MACROD2: variants seen among roughly 807,000 people sequenced by gnomAD.
MACROD2 encodes the protein ADP-ribose glycohydrolase MACROD2.
In MACROD2, 36 loss-of-function variants were observed where a neutral mutation model predicts 70.4. The observed-to-expected ratio is 0.51, with a 90% confidence interval of 0.39 to 0.68. The LOEUF (loss-of-function observed/expected upper bound fraction) is 0.68, where lower values mean the gene tolerates loss of function less well. Ranked by LOEUF, MACROD2 falls within the 30% of genes least tolerant of loss-of-function variation. The pLI is 0.00. For synonymous variants in MACROD2, 172 were observed against 178.8 expected (o/e 0.96, Z 0.30); for missense variants, 496 against 538.4 (o/e 0.92, Z 0.78).
chr20:14,645,231 A>T (rs1381558596), intron 4 of MACROD2, among the ~76,000 whole-genome samples: 1 of 152,168 alleles, frequency 6.6e-6, no homozygotes, highest in East Asian at 1.9e-4. Context: ...TATTAAATTT[A>T]TTAAACATAT....
At chr20:14,872,190 T>C (rs1311148642) in intron 5 of MACROD2, among the ~76,000 whole-genome samples, 1 of 151,048 alleles carries the variant, frequency 6.6e-6, no homozygotes, top group African/African-American at 2.5e-5. Context: ...TACAGAACTC[T>C]CCACTCTGCC....
At chr20:14,522,308 A>G (rs1460097155) in intron 4 of MACROD2, among the ~76,000 whole-genome samples, 1 of 152,184 alleles carries the variant, frequency 6.6e-6, no homozygotes, top group African/African-American at 2.4e-5. Flanking sequence ...AGCACAACCC[A>G]ACAAAACACC....
At chr20:14,165,999 T>G (rs1041472100) in intron 3 of MACROD2, among the ~76,000 whole-genome samples, 5 of 152,218 alleles carry the variant, frequency 3.3e-5, no homozygotes, top group African/African-American at 1.2e-4. Flanking sequence ...TGCTCTTGCA[T>G]ATGTTTTAAT....
intron 5 of MACROD2, among the ~76,000 whole-genome samples, chr20:15,175,682 G>A (rs1163808122): frequency 3.9e-5 from 6 of 152,176 alleles, no homozygotes; most frequent in African/African-American, 1.4e-4. Flanking sequence ...CAAGCAAAGA[G>A]ACATTACAAT....
At chr20:14,216,521 GT>G (rs905786101) in intron 3 of MACROD2, among the ~76,000 whole-genome samples, 6 of 151,668 alleles carry the variant, frequency 4.0e-5, no homozygotes, top group Non-Finnish European at 7.4e-5. Flanking sequence ...TTTTAGAATT[GT>G]TTTTTTTAAT....
At chr20:15,627,410 C>T (rs2049220499) in intron 8 of MACROD2, among the ~76,000 whole-genome samples, 1 of 152,036 alleles carries the variant, frequency 6.6e-6, no homozygotes, top group Non-Finnish European at 1.5e-5. Flanking sequence ...GTTTAATTGA[C>T]GTGAGGCTGG....
intron 3 of MACROD2, among the ~76,000 whole-genome samples, chr20:14,378,643 T>C (rs1447000795): frequency 2.0e-5 from 3 of 152,226 alleles, no homozygotes; most frequent in Non-Finnish European, 4.4e-5. Flanking sequence ...TTGTATTTGT[T>C]AAGCACATAT....
At chr20:14,348,268 CA>C (rs545110146) in intron 3 of MACROD2, among the ~76,000 whole-genome samples, 184 of 73,970 alleles carry the variant, frequency 2.5e-3, no homozygotes, top group Non-Finnish European at 3.9e-3. Flanking sequence ...GACTCCGTCT[CA>C]AAAAAAAAAA....
At chr20:15,080,115 CAAATAAATAAATAAATAAAT>C (rs11467492) in intron 5 of MACROD2, among the ~76,000 whole-genome samples, 3 of 143,260 alleles carry the variant, frequency 2.1e-5, no homozygotes, top group Non-Finnish European at 3.1e-5. Context: ...ACAGAACAGC[CAAATAAATAAATAAATAAAT>C]AAATAAATAA....
At position 14,330,953 on chromosome 20, in the gene MACROD2, A is replaced by G. The variant is rs6033945; in HGVS notation, c.272-162526A>G. On this transcript the variant is annotated intron_variant, in intron 3 of 17. Transcript: ENST00000684519. ...ATTCAACATATAAAATAATGTGGTT[A>G]ATTTAAGTTTAGAAAACAATTGCTT... Among the ~76,000 whole-genome samples, 1,442 of 152,246 alleles carry G rather than the reference A, an allele frequency of 9.5e-3. 21 individuals carry two copies. The highest frequency in any genetic ancestry group is 0.033 in the African/African-American group (1,370 of 41,566).
Position 15,784,786 on chromosome 20 carries a change from A to C in MACROD2, c.646-77959A>C, listed in dbSNP as rs2051893079. 2.0e-5 allele frequency among the ~76,000 whole-genome samples: 3 copies of C among 152,130 alleles called. No homozygotes were observed. The South Asian group carries it at 6.2e-4, about 32-fold the overall frequency. ...GGGGGGCCATGGTAGATTTCTTTCA[A>C]CTTTTCTGAATTTTGAAAATTTACA... On this transcript the variant is annotated intron_variant, in intron 8 of 17. Coordinates refer to ENST00000684519, the MANE Select transcript of MACROD2 (RefSeq NM_001351661.2).
At chr20:14,997,122 C>A (rs963086226) in intron 5 of MACROD2, among the ~76,000 whole-genome samples, 1 of 152,074 alleles carries the variant, frequency 6.6e-6, no homozygotes, top group African/African-American at 2.4e-5. Flanking sequence ...CAGCTCACAG[C>A]ACTGGGAAAG....
At chr20:14,906,546 C>T (rs2073961635) in intron 5 of MACROD2, among the ~76,000 whole-genome samples, 2 of 152,128 alleles carry the variant, frequency 1.3e-5, no homozygotes, top group Admixed American at 6.6e-5. Context: ...CTGGTTTTTA[C>T]GTAGCACTTC....
chr20:14,641,405 G>T (rs908771749), intron 4 of MACROD2, among the ~76,000 whole-genome samples: 2 of 152,178 alleles, frequency 1.3e-5, no homozygotes, highest in African/African-American at 4.8e-5. Context: ...GTTGATGTTT[G>T]AATTTTCTTC....
intron 15 of MACROD2, among the ~76,000 whole-genome samples, chr20:16,038,986 C>G (rs2067272175): frequency 6.6e-6 from 1 of 151,832 alleles, no homozygotes. Context: ...GGTACCCCAC[C>G]AAAAACCTGA....
chr20:15,707,067 G>A (rs2050544612), intron 8 of MACROD2, among the ~76,000 whole-genome samples: 2 of 152,132 alleles, frequency 1.3e-5, no homozygotes, highest in African/African-American at 4.8e-5. Flanking sequence ...TGCCCTAAGA[G>A]TCATAGATAG....
chr20:14,343,195 TG>T (rs2083032480), intron 3 of MACROD2, among the ~76,000 whole-genome samples: 2 of 151,630 alleles, frequency 1.3e-5, no homozygotes, highest in African/African-American at 4.8e-5. Context: ...CTTGACCCCT[TG>T]CCACTCCCCA....
intron 5 of MACROD2, among the ~76,000 whole-genome samples, chr20:14,754,761 A>G (rs2071917896): frequency 6.6e-6 from 1 of 150,868 alleles, no homozygotes; most frequent in Admixed American, 6.6e-5. Flanking sequence ...AGGATCTATA[A>G]ACTCTTGCAT....
intron 3 of MACROD2, among the ~76,000 whole-genome samples, chr20:14,233,161 C>T (rs1377601540): frequency 6.6e-6 from 1 of 151,980 alleles, no homozygotes; most frequent in Non-Finnish European, 1.5e-5. Context: ...CATCAAAGAT[C>T]ACTGATCACA....
Sources: allele counts gnomAD v4.1 joint callset (sites outside exome capture counted in the v4.1 genomes callset), GRCh38; gene constraint gnomAD v4.1.1; transcripts MANE v1.5; gene names NCBI Gene and HGNC (gene_info 2026-07-23, HGNC 2026-07-21).